The following SBF2 variants were observed in gnomAD, a reference collection of about 807,000 sequenced individuals.
SBF2 encodes the protein myotubularin-related protein 13.
A neutral mutation model predicts 225.2 loss-of-function variants in SBF2; 112 were observed. The observed-to-expected ratio is 0.50, with a 90% CI of 0.43 to 0.58. The LOEUF is 0.58. Ranked by LOEUF, SBF2 falls within the 20% of genes least tolerant of loss-of-function variation. The probability of loss-of-function intolerance (pLI) is 0.00; values close to 1 mark genes in which losing one functional copy is unlikely to be tolerated. For synonymous variants in SBF2, 763 were observed against 773.3 expected (o/e 0.99, Z 0.22); for missense variants, 1,996 against 2,206.2 (o/e 0.90, Z 1.91).
intron 2 of SBF2, among the ~76,000 whole-genome samples, chr11:10,055,524 TACACACACAC>T (rs3993326): frequency 0.046 from 6,148 of 133,828 alleles, 176 homozygotes; most frequent in South Asian, 0.13. Flanking sequence ...AAGAAAATGA[TACACACACAC>T]ACACACACAC....
intron 14 of SBF2, among the ~76,000 whole-genome samples, chr11:9,967,965 CTCTCTCTATATATATATA>C (rs902084395): frequency 1.4e-4 from 13 of 94,950 alleles, no homozygotes; most frequent in African/African-American, 4.2e-4. Flanking sequence ...CTCTCTCTCT[CTCTCTCTATATATATATA>C]TATATATAAA....
intron 33 of SBF2, among the ~76,000 whole-genome samples, chr11:9,791,909 T>G (rs1008472995): frequency 1.7e-4 from 26 of 152,178 alleles, no homozygotes; most frequent in African/African-American, 6.0e-4. Context: ...TGTTGTAACA[T>G]CTTGTAATTG....
At chr11:9,876,789 G>A (rs564007983) in intron 17 of SBF2, among the ~76,000 whole-genome samples, 1 of 152,270 alleles carries the variant, frequency 6.6e-6, no homozygotes, top group African/African-American at 2.4e-5. Flanking sequence ...ACCCAGGCTA[G>A]AGTGCAGTGG....
chr11:9,963,328 A>G lies in SBF2; in HGVS notation c.1710+445T>C, dbSNP rs550746405. ...AAAAATACAAAAATGAGGCGGGCGC[A>G]GTGGTGCGTGCCTGTAGTCCCAGCT... On this transcript the variant is annotated intron_variant, in intron 15 of 39. Transcript: ENST00000256190. Among the ~76,000 whole-genome samples, 6 of 152,030 alleles carry G rather than the reference A, an allele frequency of 3.9e-5. No homozygotes were observed. In the East Asian group the frequency reaches 1.2e-3, roughly 29 times the overall value.
At chr11:10,157,020 C>T (rs1201659650) in intron 2 of SBF2, among the ~76,000 whole-genome samples, 1 of 152,178 alleles carries the variant, frequency 6.6e-6, no homozygotes, top group African/African-American at 2.4e-5. Flanking sequence ...TCAAACTACA[C>T]TACGGGGCTA....
At chr11:10,023,668 A>G (rs1319434416) in intron 6 of SBF2, among the ~76,000 whole-genome samples, 6 of 152,168 alleles carry the variant, frequency 3.9e-5, no homozygotes, top group Admixed American at 3.9e-4. Context: ...GCATGTTTCC[A>G]AGATTCACCC....
At chr11:9,807,917 G>T in intron 32 of SBF2, 83 bp downstream of exon 32, 2 of 1,205,678 alleles carry the variant, frequency 1.7e-6, no homozygotes, top group Non-Finnish European at 2.4e-6. Context: ...AAGGTACCGG[G>T]CACACCATCG....
At position 9,790,534 on chromosome 11, in the gene SBF2, CAT is replaced by C; in HGVS notation, c.4698+20_4698+21del. On this transcript the variant is annotated intron_variant, in intron 34 of 39. Transcript: ENST00000256190. The stretch of plus-strand genomic sequence containing the variant: ...TAACACAAAATTTCAGAAAGTGAAA[CAT>C]AAATGATTTCTTACTCTACCTCTAT... 1 of 1,567,296 alleles carries C rather than the reference CAT, an allele frequency of 6.4e-7. No homozygotes were observed. The highest frequency in any genetic ancestry group is 8.7e-7 in the Non-Finnish European group (1 of 1,143,998).
intron 13 of SBF2, among the ~76,000 whole-genome samples, chr11:9,985,318 T>G (rs1947151688): frequency 6.7e-6 from 1 of 149,438 alleles, no homozygotes; most frequent in Non-Finnish European, 1.5e-5. Flanking sequence ...TTTTTAGTTG[T>G]TTTTTTTTGT....
chr11:9,943,551 G>A (rs560123154), intron 16 of SBF2, among the ~76,000 whole-genome samples: 3 of 151,962 alleles, frequency 2.0e-5, no homozygotes, highest in Non-Finnish European at 2.9e-5. Flanking sequence ...GAAACAATGC[G>A]AAAGAAAAAA....
chr11:9,885,359 A>G (rs1860201141), intron 17 of SBF2, among the ~76,000 whole-genome samples: 1 of 151,336 alleles, frequency 6.6e-6, no homozygotes, highest in African/African-American at 2.4e-5. Context: ...CTCATGACGA[A>G]CTCTTCATTG....
chr11:10,150,904 A>G (rs966843394), intron 2 of SBF2, among the ~76,000 whole-genome samples: 18 of 152,192 alleles, frequency 1.2e-4, no homozygotes, highest in South Asian at 8.3e-4. Context: ...ATAAGGATAA[A>G]CGTAGAACTG....
chr11:10,167,058 T>G (rs942311332), intron 2 of SBF2, among the ~76,000 whole-genome samples: 6 of 152,108 alleles, frequency 3.9e-5, no homozygotes, highest in Non-Finnish European at 8.8e-5. Flanking sequence ...AGTTTAGAAA[T>G]ACACAGGATT....
chr11:10,141,802 T>C (rs886654156), intron 2 of SBF2, among the ~76,000 whole-genome samples: 3 of 152,164 alleles, frequency 2.0e-5, no homozygotes, highest in African/African-American at 7.2e-5. Flanking sequence ...AAAAATAATC[T>C]TAAAAGCAGT....
intron 13 of SBF2, among the ~76,000 whole-genome samples, chr11:9,974,367 AGTAGCACAGTCCC>A (rs1946581766): frequency 6.6e-6 from 1 of 152,184 alleles, no homozygotes; most frequent in Admixed American, 6.5e-5. Context: ...ACTAGATGAC[AGTAGCACAGTCCC>A]TCCAACTGTG....
At chr11:10,127,604 TC>T (rs1953817891) in intron 2 of SBF2, among the ~76,000 whole-genome samples, 1 of 152,156 alleles carries the variant, frequency 6.6e-6, no homozygotes, top group African/African-American at 2.4e-5. Flanking sequence ...TATCCAAAAA[TC>T]CTTTTGTGTC....
chr11:9,781,556 C>A lies in SBF2; in HGVS notation c.5402G>T (p.Gly1801Val). ...GTGCTTTGGGGCTCCCATGCTGGGG[C>A]CAGCAGGGATGACCATTTCTACTTC... ...LAEVEMVIPA[G>V]PSMGAPKHTS... The change falls in exon 39 of 40, where the codon GGC becomes GTC. Residue 1801 changes from glycine (G) to valine (V), a missense_variant. Coordinates refer to ENST00000256190, the MANE Select transcript of SBF2 (RefSeq NM_030962.4). 1 of 1,614,194 alleles carries A rather than the reference C, an allele frequency of 6.2e-7. No homozygotes were observed. Among genetic ancestry groups the A allele is most frequent in the Non-Finnish European group, 8.5e-7 (1 of 1,180,032 alleles).
intron 1 of SBF2, among the ~76,000 whole-genome samples, chr11:10,206,304 C>T (rs1163371309): frequency 6.6e-6 from 1 of 151,082 alleles, no homozygotes; most frequent in Non-Finnish European, 1.5e-5. Context: ...CAAAGAAAAC[C>T]AAATAACCAA....
At chr11:9,910,649 C>G (rs564481293) in intron 16 of SBF2, among the ~76,000 whole-genome samples, 1 of 151,112 alleles carries the variant, frequency 6.6e-6, no homozygotes, top group South Asian at 2.1e-4. Flanking sequence ...CTGTGTAGGT[C>G]TAGGCTAATG....
Sources: allele counts gnomAD v4.1 joint callset (sites outside exome capture counted in the v4.1 genomes callset), GRCh38; gene constraint gnomAD v4.1.1; transcripts MANE v1.5; gene names NCBI Gene and HGNC (gene_info 2026-07-23, HGNC 2026-07-21).